The following FSIP1 variants were observed in gnomAD, a reference collection of about 807,000 sequenced individuals.
FSIP1 encodes the protein fibrous sheath-interacting protein 1.
FSIP1 carries 65 observed loss-of-function variants against 60.9 expected under a neutral mutation model. The observed-to-expected ratio is 1.07, with a 90% CI of 0.87 to 1.31. The LOEUF is 1.31. FSIP1 is among the 40% of genes most tolerant of loss of function. The pLI, the probability that FSIP1 is intolerant of heterozygous loss-of-function variation, is 0.00. For missense variants in FSIP1, 675 were observed against 665.5 expected, an observed-to-expected ratio of 1.01 and a Z score of -0.16; for synonymous variants, 209 against 221.2, an observed-to-expected ratio of 0.94 and a Z score of 0.49.
intron 10 of FSIP1, among the ~76,000 whole-genome samples, chr15:39,700,459 T>C (rs1241525393): frequency 6.6e-6 from 1 of 152,248 alleles, no homozygotes; most frequent in Admixed American, 6.5e-5. Context: ...ATTTATTTGT[T>C]TGCATTGAAT....
intron 10 of FSIP1, among the ~76,000 whole-genome samples, chr15:39,683,360 C>G (rs1894239934): frequency 6.6e-6 from 1 of 151,952 alleles, no homozygotes; most frequent in Non-Finnish European, 1.5e-5. Context: ...TGCAGAAAAG[C>G]ATTTGACAAA....
chr15:39,649,949 C>T (rs1312822721), intron 10 of FSIP1, among the ~76,000 whole-genome samples: 1 of 152,230 alleles, frequency 6.6e-6, no homozygotes, highest in African/African-American at 2.4e-5. Flanking sequence ...TTTCTGGCCC[C>T]ACACTTTTGT....
intron 5 of FSIP1, among the ~76,000 whole-genome samples, chr15:39,743,086 G>A (rs564698519): frequency 6.6e-6 from 1 of 152,216 alleles, no homozygotes; most frequent in African/African-American, 2.4e-5. Flanking sequence ...TTACATCATA[G>A]TCCTGAAGTG....
intron 1 of FSIP1, among the ~76,000 whole-genome samples, chr15:39,781,514 T>C (rs1566925476): frequency 3.3e-5 from 5 of 152,192 alleles, no homozygotes. Context: ...AACCTGTACA[T>C]GAATATTTAT....
intron 10 of FSIP1, among the ~76,000 whole-genome samples, chr15:39,664,206 A>G (rs1236196923): frequency 6.6e-6 from 1 of 152,246 alleles, no homozygotes; most frequent in Admixed American, 6.5e-5. Context: ...TATTCTACTT[A>G]GAAAAGCAAC....
At chr15:39,680,205 A>G (rs1334361455) in intron 10 of FSIP1, among the ~76,000 whole-genome samples, 1 of 152,364 alleles carries the variant, frequency 6.6e-6, no homozygotes, top group Non-Finnish European at 1.5e-5. Context: ...AACATCTAGC[A>G]ATCACTATCT....
intron 10 of FSIP1, among the ~76,000 whole-genome samples, chr15:39,682,883 T>G (rs564356099): frequency 6.6e-6 from 1 of 152,318 alleles, no homozygotes; most frequent in East Asian, 1.9e-4. Context: ...GTTGGTTTCT[T>G]AAAATACGAT....
chr15:39,704,198 T>A (rs1290263068), intron 10 of FSIP1, among the ~76,000 whole-genome samples: 2 of 152,258 alleles, frequency 1.3e-5, no homozygotes, highest in Non-Finnish European at 2.9e-5. Flanking sequence ...TAAATACCAA[T>A]TGTATGTGGC....
intron 1 of FSIP1, among the ~76,000 whole-genome samples, chr15:39,777,938 T>C (rs1301186294): frequency 6.6e-6 from 1 of 152,126 alleles, no homozygotes. Context: ...AGCACAAATA[T>C]AAACAACCTG....
chr15:39,680,358 T>C (rs1019764420), intron 10 of FSIP1, among the ~76,000 whole-genome samples: 1 of 152,246 alleles, frequency 6.6e-6, no homozygotes, highest in Admixed American at 6.5e-5. Context: ...TGGCAGGGAC[T>C]GTGAGTTGCC....
At chr15:39,701,713 T>A (rs1184485914) in intron 10 of FSIP1, among the ~76,000 whole-genome samples, 2 of 152,226 alleles carry the variant, frequency 1.3e-5, no homozygotes, top group Non-Finnish European at 2.9e-5. Flanking sequence ...TAAACAGACA[T>A]ATTTTACATT....
chr15:39,767,647 T>A (rs533255993), intron 3 of FSIP1, among the ~76,000 whole-genome samples: 73 of 152,244 alleles, frequency 4.8e-4, no homozygotes, highest in African/African-American at 1.8e-3. Context: ...GGCTGGACGT[T>A]GAGAGGAGCA....
chr15:39,629,321 C>A (rs1891782969), intron 10 of FSIP1, among the ~76,000 whole-genome samples: 1 of 152,154 alleles, frequency 6.6e-6, no homozygotes, highest in Non-Finnish European at 1.5e-5. Flanking sequence ...CACTTCAAGG[C>A]TGACACTATT....
chr15:39,726,136 C>G (rs1896185771), intron 9 of FSIP1, among the ~76,000 whole-genome samples: 1 of 152,150 alleles, frequency 6.6e-6, no homozygotes, highest in African/African-American at 2.4e-5. Flanking sequence ...GAAACACATT[C>G]ATTTCAAAAC....
At chr15:39,775,817 C>T (rs1323812757) in intron 2 of FSIP1, among the ~76,000 whole-genome samples, 28 of 152,132 alleles carry the variant, frequency 1.8e-4, no homozygotes, top group Admixed American at 1.8e-3. Flanking sequence ...TCCTGTACAG[C>T]CTGTGGAACC....
intron 11 of FSIP1, among the ~76,000 whole-genome samples, chr15:39,606,431 C>T (rs957069436): frequency 6.6e-6 from 1 of 152,232 alleles, no homozygotes; most frequent in Non-Finnish European, 1.5e-5. Context: ...AAATTGCATA[C>T]CCATCACCTC....
chr15:39,706,893 C>T (rs1895294577), intron 10 of FSIP1, among the ~76,000 whole-genome samples: 1 of 152,304 alleles, frequency 6.6e-6, no homozygotes, highest in East Asian at 1.9e-4. Context: ...CTATCACAGA[C>T]ATCTTTTCAA....
rs1896816899 is a variant in FSIP1 at position 39,741,901 on chromosome 15, C to G, written c.560-1G>C. On this transcript the variant is annotated splice_acceptor_variant, in intron 5 of 11. Coordinates refer to ENST00000350221, the MANE Select transcript of FSIP1 (RefSeq NM_152597.5). LOFTEE classifies it high-confidence loss of function. ...GTGTCTTCCTCCTCATGAGAAGGAC[C>G]TGTTGATTTAAAAAATCACTTGTTC... The G allele has an allele frequency of 6.5e-7, 1 of 1,533,242 alleles. No homozygotes were observed. Among genetic ancestry groups the G allele is most frequent in the African/African-American group, 1.4e-5 (1 of 73,448 alleles). The allele number at this position is 1,533,242 out of a possible 1,614,324, so 95.0% of individuals were successfully genotyped here. A position where few individuals can be genotyped will look rare whatever the true frequency, so the allele number is the denominator to read the frequency against.
intron 10 of FSIP1, among the ~76,000 whole-genome samples, chr15:39,638,911 C>T (rs1305276182): frequency 6.6e-6 from 1 of 152,034 alleles, no homozygotes; most frequent in Non-Finnish European, 1.5e-5. Flanking sequence ...CTTTAAACTT[C>T]AAAATTCCTT....
Sources: gnomAD v4.1 joint callset for allele counts (sites outside exome capture counted in the v4.1 genomes callset) on GRCh38, gnomAD v4.1.1 for gene constraint, MANE v1.5 for transcripts, NCBI Gene and HGNC (gene_info 2026-07-23, HGNC 2026-07-21) for gene names.